The following PFKL variants were observed in gnomAD, a reference collection of about 807,000 sequenced individuals.
PFKL encodes ATP-dependent 6-phosphofructokinase, liver type.
PFKL carries 74 observed loss-of-function variants against 92.1 expected under a neutral mutation model. The ratio of observed to expected loss-of-function variants is 0.80; its 90% CI spans 0.67 to 0.97. The LOEUF is 0.97. Ranked by LOEUF, PFKL falls within the 50% of genes least tolerant of loss-of-function variation. The pLI is 0.00. For synonymous variants in PFKL, 494 were observed against 456.4 expected (o/e 1.08, Z -1.05); for missense variants, 1,028 against 1,116.6 (o/e 0.92, Z 1.13).
Position 44,323,805 on chromosome 21 carries a change from C to T in PFKL, c.1537C>T (p.Arg513Cys), listed in dbSNP as rs142506467. 2.2e-4 allele frequency: 356 copies of T among 1,612,572 alleles called. No homozygotes were observed. The highest frequency in any genetic ancestry group is 2.6e-4 in the Non-Finnish European group (301 of 1,179,790). ...GCTGCAGCTGGTGGAGGCTCGCGGG[C>T]GCTACGAGGAGCTCTGCATCGTCAT... ...GVLQLVEARG[R>C]YEELCIVMCV... The change falls in exon 16 of 22, where the codon CGC becomes TGC. Residue 513 changes from arginine (R) to cysteine (C), a missense_variant. By Grantham distance (180) the Arg-to-Cys change is radical. Coordinates refer to ENST00000349048, the MANE Select transcript of PFKL (RefSeq NM_002626.6).
rs190573316 is a variant in PFKL, at chr21:44,309,194, C to T, written c.160-1812C>T. Among the ~76,000 whole-genome samples, 4 of 152,276 alleles carry T rather than the reference C, an allele frequency of 2.6e-5. No individual in the cohort carries two copies. The South Asian group carries it at 6.2e-4, about 24-fold the overall frequency. ...AGCCCCCAGCGCTGGCTTCCTTCAG[C>T]AGGGAGACCGATCCCTTCTCCTTGG... is the stretch of plus-strand genomic sequence containing the variant. On this transcript the variant is annotated intron_variant, in intron 2 of 21. Coordinates refer to ENST00000349048, the MANE Select transcript of PFKL (RefSeq NM_002626.6).
chr21:44,320,507 C>G (rs2047329429), intron 12 of PFKL: 2 of 176,634 alleles, frequency 1.1e-5, no homozygotes, highest in Non-Finnish European at 2.4e-5. Context: ...GGCCAGTTCA[C>G]CTGAGGTCAG....
At chr21:44,321,544 G>A (rs549469763) in intron 12 of PFKL, 185 bp from the exon 13 acceptor site, 340 of 524,706 alleles carry the variant, frequency 6.5e-4, no homozygotes, top group African/African-American at 5.8e-3. Context: ...GTCTTCACCA[G>A]AATCTTCTGG....
chr21:44,305,383 G>T (rs1568941917), intron 1 of PFKL: 1 of 1,365,396 alleles, frequency 7.3e-7, no homozygotes, highest in Non-Finnish European at 9.8e-7. Flanking sequence ...CATGTTCAAG[G>T]GAGCTGCCGA....
intron 21 of PFKL, 21 bp downstream of exon 21, chr21:44,326,285 G>C (rs375004229): frequency 1.9e-6 from 3 of 1,546,190 alleles, no homozygotes; most frequent in Non-Finnish European, 2.7e-6. Flanking sequence ...CCAAAGCCTC[G>C]TGGAGGCGGG....
chr21:44,304,692 G>C (rs1262154448), intron 1 of PFKL, among the ~76,000 whole-genome samples: 1 of 138,852 alleles, frequency 7.2e-6, no homozygotes. Flanking sequence ...AGCTGTCTGG[G>C]GGGGGCTCGG....
intron 7 of PFKL, 184 bp from the exon 8 acceptor site, chr21:44,316,060 G>C: frequency 1.6e-6 from 1 of 613,704 alleles, no homozygotes; most frequent in Non-Finnish European, 2.9e-6. Flanking sequence ...GGGCGTCCTA[G>C]TGGGCCCAGC....
At chr21:44,305,808 CT>C (rs769700742) in intron 1 of PFKL, 1 of 1,366,898 alleles carries the variant, frequency 7.3e-7, no homozygotes, top group South Asian at 1.1e-5. Flanking sequence ...AGGAAACTGG[CT>C]TTGCCAAGGC....
At chr21:44,314,164 A>G in intron 7 of PFKL, 143 bp downstream of exon 7, 1 of 648,080 alleles carries the variant, frequency 1.5e-6, no homozygotes, top group South Asian at 1.8e-5. Context: ...GGGGCGGGAC[A>G]CGCAAGGAGT....
At chr21:44,319,563 T>G (rs1239648825) in intron 11 of PFKL, 148 bp downstream of exon 11, 1 of 715,132 alleles carries the variant, frequency 1.4e-6, no homozygotes, top group Non-Finnish European at 2.4e-6. Context: ...GGCCTGCGGG[T>G]GGTACAGGAG....
At chr21:44,322,702 T>C (rs929505205) in intron 14 of PFKL, among the ~76,000 whole-genome samples, 3 of 152,106 alleles carry the variant, frequency 2.0e-5, no homozygotes, top group African/African-American at 7.2e-5. Context: ...CAGGAAGGGG[T>C]TCCCACGGGG....
Position 44,326,055 on chromosome 21 carries a change from G to C in PFKL, c.2084G>C (p.Arg695Pro), listed in dbSNP as rs775291794. The change falls in exon 20 of 22, where the codon CGC becomes CCC. Residue 695 changes from arginine (R) to proline (P), a missense_variant. Arg to Pro is a moderately radical substitution (Grantham distance 103, BLOSUM62 -2). Transcript: ENST00000349048. ...WLSEKLREVY[R>P]KGRVFANAPD... Reference sequence around the variant, plus strand: ...TCGGAGAAGCTGCGCGAGGTTTACCGCAAGGGTAGGTGGTGGGTGCGACCC... The same window carrying C: ...TCGGAGAAGCTGCGCGAGGTTTACCCCAAGGGTAGGTGGTGGGTGCGACCC... The C allele has an allele frequency of 3.1e-6, 5 of 1,613,224 alleles. No individual in the cohort carries two copies. The highest frequency in any genetic ancestry group is 3.4e-6 in the Non-Finnish European group (4 of 1,179,688).
At chr21:44,313,279 C>T (rs544994386) in intron 5 of PFKL, 136 bp downstream of exon 5, 2 of 1,007,984 alleles carry the variant, frequency 2.0e-6, no homozygotes, top group African/African-American at 1.6e-5. Flanking sequence ...CGCCCTCAGC[C>T]CCCAGCTGGG....
chr21:44,318,640 C>T (rs1462043012), intron 10 of PFKL, 45 bp downstream of exon 10: 1 of 1,410,628 alleles, frequency 7.1e-7, no homozygotes, highest in Non-Finnish European at 9.4e-7. Flanking sequence ...GCCCCTCTCC[C>T]CAGTCCCCAC....
chr21:44,318,541 CA>C lies in PFKL; in HGVS notation c.1009del (p.Thr337ProfsTer18). The C allele has an allele frequency of 6.3e-7, 1 of 1,579,912 alleles. No homozygotes were observed. The highest frequency in any genetic ancestry group is 8.6e-7 in the Non-Finnish European group (1 of 1,157,664). The part of the protein sequence containing the change: ...ATPDTPACVV[T>X]LSGNQSVRLP... The stretch of plus-strand genomic sequence containing the variant: ...CGCCTGACACGCCGGCCTGCGTGGT[CA>C]CCCTCTCGGGGAACCAGTCAGTGCG... On this transcript the variant is annotated frameshift_variant, in exon 10 of 22. Coordinates refer to ENST00000349048, the MANE Select transcript of PFKL (RefSeq NM_002626.6). LOFTEE classifies it high-confidence loss of function.
intron 15 of PFKL, 99 bp downstream of exon 15, chr21:44,323,148 G>A (rs2047402689): frequency 3.0e-6 from 3 of 1,005,600 alleles, no homozygotes; most frequent in African/African-American, 3.2e-5. Context: ...TGCTGGCTGG[G>A]CCGATGCAGG....
In PFKL at chr21:44,326,079, C is replaced by G. The variant is rs1213369430; in HGVS notation, c.2089+19C>G. Reference sequence around the variant, plus strand: ...CGCAAGGGTAGGTGGTGGGTGCGACCCGAGGCCTCACTTTGCCCTCCCCTG... The same window carrying G: ...CGCAAGGGTAGGTGGTGGGTGCGACGCGAGGCCTCACTTTGCCCTCCCCTG... On this transcript the variant is annotated intron_variant, in intron 20 of 21. Coordinates refer to ENST00000349048, the MANE Select transcript of PFKL (RefSeq NM_002626.6). The G allele has an allele frequency of 2.5e-6, 4 of 1,610,380 alleles. No individual in the cohort carries two copies. Among genetic ancestry groups the G allele is most frequent in the Middle Eastern group, 1.7e-4 (1 of 6,050 alleles).
chr21:44,310,984 C>G lies in PFKL; in HGVS notation c.160-22C>G, dbSNP rs1255852535. 5.0e-6 allele frequency: 8 copies of G among 1,601,358 alleles called. No homozygotes were observed. In the South Asian group the frequency reaches 6.6e-5, roughly 13 times the overall value. On this transcript the variant is annotated intron_variant, in intron 2 of 21. Transcript: ENST00000349048. ...CCGCCATGGGGTCCCCTATCTCATG[C>G]CTGCCCCACTCTTGATTTCAGGGCT...
intron 1 of PFKL, among the ~76,000 whole-genome samples, chr21:44,303,062 G>A (rs971783105): frequency 1.3e-5 from 2 of 151,990 alleles, no homozygotes; most frequent in African/African-American, 2.4e-5. Flanking sequence ...GTGAAACCTC[G>A]TCTCTACTAA....
Sources: allele counts gnomAD v4.1 joint callset (sites outside exome capture counted in the v4.1 genomes callset), GRCh38; gene constraint gnomAD v4.1.1; transcripts MANE v1.5; gene names NCBI Gene and HGNC (gene_info 2026-07-23, HGNC 2026-07-21).